Variants in CLPB observed in about 807,000 individuals in gnomAD.
CLPB encodes ClpB family mitochondrial disaggregase, also known as mitochondrial disaggregase.
A neutral mutation model predicts 78.4 loss-of-function variants in CLPB; 40 were observed. The observed-to-expected ratio is 0.51, with a 90% confidence interval of 0.40 to 0.66. CLPB has a LOEUF of 0.66. Ranked by LOEUF, CLPB falls within the 30% of genes least tolerant of loss-of-function variation. The probability of loss-of-function intolerance (pLI) is 0.00; values close to 1 mark genes in which losing one functional copy is unlikely to be tolerated. For missense variants in CLPB, 780 were observed against 886.9 expected, an observed-to-expected ratio of 0.88 and a Z score of 1.53; for synonymous variants, 333 against 348.0, an observed-to-expected ratio of 0.96 and a Z score of 0.48.
intron 2 of CLPB, among the ~76,000 whole-genome samples, chr11:72,415,012 T>C (rs1855979771): frequency 6.6e-6 from 1 of 152,098 alleles, no homozygotes; most frequent in African/African-American, 2.4e-5. Context: ...GGTCAGAGGT[T>C]GAAGACCAGC....
At chr11:72,302,172 G>A in intron 10 of CLPB, 132 bp downstream of exon 10, 1 of 1,035,948 alleles carries the variant, frequency 9.7e-7, no homozygotes, top group Non-Finnish European at 1.5e-6. Context: ...CAGTGACCCT[G>A]CTGCACACCT....
At position 72,290,445 on chromosome 11, in the gene CLPB, A is replaced by G. The variant is rs966814994; in HGVS notation, c.*2922T>C. ...TAAATACAGGTAAAATAATGAAACA[A>G]AGTCACCATTAGGCAAGCATAACAT... On this transcript the variant is annotated 3_prime_UTR_variant, in exon 16 of 16. Transcript: ENST00000538039. 1.3e-5 allele frequency: 2 copies of G among 152,240 alleles called. No individual in the cohort carries two copies. Among genetic ancestry groups the G allele is most frequent in the African/African-American group, 4.8e-5 (2 of 41,458 alleles). 9.4% of individuals were successfully genotyped at this position (152,240 alleles called of 1,614,324 possible).
At chr11:72,347,461 A>T (rs945011829) in intron 5 of CLPB, among the ~76,000 whole-genome samples, 1 of 152,144 alleles carries the variant, frequency 6.6e-6, no homozygotes, top group African/African-American at 2.4e-5. Context: ...TATCTCAAAA[A>T]CCAAAAGCTA....
intron 3 of CLPB, among the ~76,000 whole-genome samples, chr11:72,385,151 C>T (rs1855038275): frequency 6.6e-6 from 1 of 152,192 alleles, no homozygotes; most frequent in Non-Finnish European, 1.5e-5. Context: ...TCTCCTTAGT[C>T]CAAATTCCAA....
At chr11:72,344,856 TAGA>T (rs1950483242) in intron 5 of CLPB, among the ~76,000 whole-genome samples, 2 of 152,020 alleles carry the variant, frequency 1.3e-5, no homozygotes, top group African/African-American at 4.8e-5. Context: ...AAAAGTCCTA[TAGA>T]AAAGTGGGCA....
At chr11:72,418,036 C>A (rs551592204) in intron 2 of CLPB, among the ~76,000 whole-genome samples, 1 of 152,346 alleles carries the variant, frequency 6.6e-6, no homozygotes, top group Admixed American at 6.5e-5. Flanking sequence ...AGCCTCAGCC[C>A]AGCCTCAAAG....
chr11:72,401,848 C>G (rs1442904014), intron 3 of CLPB, among the ~76,000 whole-genome samples: 3 of 152,192 alleles, frequency 2.0e-5, no homozygotes, highest in African/African-American at 7.2e-5. Flanking sequence ...TTCATCCCAG[C>G]ACTTCCAGAA....
At chr11:72,314,220 C>T (rs906239473) in intron 7 of CLPB, among the ~76,000 whole-genome samples, 3 of 152,184 alleles carry the variant, frequency 2.0e-5, no homozygotes, top group African/African-American at 7.2e-5. Context: ...CCCAGGGGAG[C>T]ATGTGGCTTC....
intron 3 of CLPB, among the ~76,000 whole-genome samples, chr11:72,390,331 G>A (rs773971458): frequency 4.6e-5 from 7 of 151,526 alleles, no homozygotes; most frequent in African/African-American, 1.7e-4. Flanking sequence ...CCAACTAATC[G>A]GGAGGCTGAG....
intron 9 of CLPB, among the ~76,000 whole-genome samples, chr11:72,303,410 C>T (rs1949694448): frequency 6.6e-6 from 1 of 152,238 alleles, no homozygotes; most frequent in Non-Finnish European, 1.5e-5. Flanking sequence ...TCTGTCCTGT[C>T]ATTCTACAGC....
At chr11:72,417,911 T>C (rs1346711289) in intron 2 of CLPB, among the ~76,000 whole-genome samples, 1 of 152,122 alleles carries the variant, frequency 6.6e-6, no homozygotes, top group Non-Finnish European at 1.5e-5. Context: ...CCCTCAATTG[T>C]TTGTGCTTTA....
intron 3 of CLPB, among the ~76,000 whole-genome samples, chr11:72,380,673 T>TA (rs897400194): frequency 6.0e-5 from 9 of 151,236 alleles, no homozygotes; most frequent in African/African-American, 1.5e-4. Context: ...ACTTCATTTT[T>TA]AAAAAAAAAG....
intron 11 of CLPB, among the ~76,000 whole-genome samples, chr11:72,297,457 C>T (rs1949570367): frequency 1.3e-5 from 2 of 152,188 alleles, no homozygotes; most frequent in Admixed American, 6.5e-5. Flanking sequence ...CACAAGGGGC[C>T]TGGTAATCCA....
At chr11:72,389,440 T>C (rs1458370946) in intron 3 of CLPB, among the ~76,000 whole-genome samples, 1 of 152,234 alleles carries the variant, frequency 6.6e-6, no homozygotes, top group African/African-American at 2.4e-5. Flanking sequence ...TGGGTTTCAC[T>C]ATTACTGTCT....
rs150251389 is a variant in CLPB, at chr11:72,321,523, C to G, written c.874-4303G>C. Among the ~76,000 whole-genome samples the G allele has an allele frequency of 3.8e-4, 58 of 152,330 alleles. 1 individual carries two copies. The highest frequency in any genetic ancestry group is 6.9e-4 in the Non-Finnish European group (47 of 68,036). On this transcript the variant is annotated intron_variant, in intron 6 of 15. Coordinates refer to ENST00000538039, the MANE Select transcript of CLPB (RefSeq NM_001258392.3). The stretch of plus-strand genomic sequence containing the variant: ...ACAGGAAAGGGCTGGGAGGCCGAGG[C>G]GAAGCCTAGCTGGGCTCGCTTTGCT...
chr11:72,340,391 G>C (rs1332490789), intron 5 of CLPB, among the ~76,000 whole-genome samples: 1 of 152,178 alleles, frequency 6.6e-6, no homozygotes, highest in Non-Finnish European at 1.5e-5. Context: ...GAACAGGAGG[G>C]ATCGATACGG....
chr11:72,390,649 A>G (rs940442401), intron 3 of CLPB, among the ~76,000 whole-genome samples: 1 of 152,160 alleles, frequency 6.6e-6, no homozygotes, highest in Non-Finnish European at 1.5e-5. Context: ...ATATTCACAA[A>G]TGTTAGAAAG....
chr11:72,419,721 T>C (rs920056121), intron 2 of CLPB, among the ~76,000 whole-genome samples: 4 of 152,194 alleles, frequency 2.6e-5, no homozygotes, highest in Non-Finnish European at 5.9e-5. Flanking sequence ...AGATAAACTC[T>C]TCCTTATCCT....
At position 72,294,357 on chromosome 11, in the gene CLPB, C is replaced by A; in HGVS notation, c.1648G>T (p.Val550Phe). 1 of 1,614,176 alleles carries A rather than the reference C, an allele frequency of 6.2e-7. No homozygotes were observed. The highest frequency in any genetic ancestry group is 8.5e-7 in the Non-Finnish European group (1 of 1,180,038). Residue 550 changes from valine to phenylalanine, a missense_variant, in exon 14 of 16, where the codon GTC becomes TTC. Val to Phe is a conservative substitution (Grantham distance 50). Around this residue, in one of 3 missense-constraint regions of CLPB, gnomAD observed 272 missense variants for 304.0 expected, o/e 0.89. Transcript: ENST00000538039. Reference protein sequence around the residue: ...PFCHSELIQLVNKELNFWAKR... With the variant: ...PFCHSELIQLFNKELNFWAKR... ...GCCCAGAAGTTTAGTTCCTTGTTGA[C>A]GAGTTGGATGAGCTCCGAGTGGCAG...
Sources: gnomAD v4.1 joint callset for allele counts (sites outside exome capture counted in the v4.1 genomes callset) on GRCh38, gnomAD v4.1.1 for gene constraint, gnomAD v4.1.1 regional missense constraint, MANE v1.5 for transcripts, NCBI Gene and HGNC (gene_info 2026-07-23, HGNC 2026-07-21) for gene names.